Variants in SPATA6L observed in about 807,000 individuals in gnomAD.
SPATA6L encodes the protein spermatogenesis associated 6 like, also known as spermatogenesis associated 6-like protein.
In SPATA6L, 68 loss-of-function variants were observed where a neutral mutation model predicts 49.2. The ratio of observed to expected loss-of-function variants is 1.38; its 90% CI spans 1.14 to 1.69. SPATA6L has a LOEUF of 1.69. SPATA6L is among the 40% of genes most tolerant of loss of function. The probability of loss-of-function intolerance (pLI) is 0.00; values close to 1 mark genes in which losing one functional copy is unlikely to be tolerated. For synonymous variants in SPATA6L, 198 were observed against 165.7 expected (o/e 1.19, Z -1.50); for missense variants, 668 against 464.3 (o/e 1.44, Z -4.03).
Position 4,606,030 on chromosome 9 carries a change from G to C in SPATA6L, c.996-590C>G, listed in dbSNP as rs150243171. 9.9e-5 allele frequency among the ~76,000 whole-genome samples: 15 copies of C among 151,780 alleles called. No homozygotes were observed. In the South Asian group the frequency reaches 1.0e-3, roughly 11 times the overall value. Reference sequence around the variant, plus strand: ...CAAGGGGTCAGGCAGTTCCCTTTCCGAGTCAAAGAAAGGGGTGACAGATGG... The same window carrying C: ...CAAGGGGTCAGGCAGTTCCCTTTCCCAGTCAAAGAAAGGGGTGACAGATGG... On this transcript the variant is annotated intron_variant, in intron 9 of 11. Coordinates refer to ENST00000682582, the MANE Select transcript of SPATA6L (RefSeq NM_001353486.2).
chr9:4,614,690 C>T (rs1381196020), intron 9 of SPATA6L, among the ~76,000 whole-genome samples: 2 of 152,174 alleles, frequency 1.3e-5, no homozygotes, highest in Non-Finnish European at 2.9e-5. Context: ...AGGATGCAAA[C>T]TTTTGGTACT....
intron 1 of SPATA6L, chr9:4,664,380 C>A (rs904116778): frequency 6.0e-6 from 1 of 166,994 alleles, no homozygotes; most frequent in Non-Finnish European, 1.5e-5. Context: ...TTCTGAGGTA[C>A]AGCACATTTT....
downstream of SPATA6L, among the ~76,000 whole-genome samples, chr9:4,595,536 T>C (rs1308009738): frequency 6.6e-6 from 1 of 152,156 alleles, no homozygotes; most frequent in East Asian, 1.9e-4. Flanking sequence ...CGCCTGAATA[T>C]TTAGGACACT....
At chr9:4,611,866 T>G (rs73387219) in intron 9 of SPATA6L, among the ~76,000 whole-genome samples, 8,937 of 152,106 alleles carry the variant, frequency 0.059, 880 homozygotes, top group African/African-American at 0.2. Flanking sequence ...TAGTTGTTGT[T>G]TCACGGAGAG....
At position 4,605,362 on chromosome 9, in the gene SPATA6L, C is replaced by G. The variant is rs1349089506; in HGVS notation, c.1074G>C (p.Gln358His). ...AAAGTCTAACCTTGTTTTGGTGCAG[C>G]TGTGCTCTGTGGGATGTCAGAAGAC... is the stretch of plus-strand genomic sequence containing the variant. ...VCSLLTSHRA[Q>H]LHQNKEDSTS... Residue 358 changes from glutamine to histidine, a missense_variant, in exon 10 of 12, where the codon CAG becomes CAC. Physicochemically the swap from Gln to His is conservative, Grantham distance 24. Transcript: ENST00000682582. 1 of 1,613,676 alleles carries G rather than the reference C, an allele frequency of 6.2e-7. No homozygotes were observed. The highest frequency in any genetic ancestry group is 8.5e-7 in the Non-Finnish European group (1 of 1,179,750).
intron 9 of SPATA6L, among the ~76,000 whole-genome samples, chr9:4,610,648 C>A (rs200840142): frequency 6.9e-4 from 105 of 152,062 alleles, no homozygotes; most frequent in South Asian, 1.5e-3. Context: ...AAATCAATTC[C>A]AGATGGATTA....
chr9:4,646,617 C>A, intron 3 of SPATA6L: 2 of 584,996 alleles, frequency 3.4e-6, no homozygotes, highest in Non-Finnish European at 2.8e-6. Context: ...ATAAAACCCA[C>A]TTAATAGTAA....
Position 4,629,139 on chromosome 9 carries a change from T to C in SPATA6L, c.381A>G (p.Thr127=). The change falls in exon 5 of 12, where the codon ACA becomes ACG. Residue 127 remains threonine (T), a synonymous_variant. Transcript: ENST00000682582. The part of the protein sequence containing the change: ...PGIAPKIEFS[T]RTAIRECVFL... ...ACACACATTCTCTGATGGCTGTCCT[T>C]GTAGAAAACTCTATTTTGGGAGCAA... The C allele has an allele frequency of 1.2e-6, 2 of 1,611,462 alleles. No homozygotes were observed. Among genetic ancestry groups the C allele is most frequent in the East Asian group, 4.5e-5 (2 of 44,730 alleles).
intron 7 of SPATA6L, among the ~76,000 whole-genome samples, chr9:4,622,190 C>T (rs1829466253): frequency 6.6e-6 from 1 of 152,218 alleles, no homozygotes; most frequent in African/African-American, 2.4e-5. Context: ...CCGCTCAGAA[C>T]GGTCCCCTTC....
intron 9 of SPATA6L, among the ~76,000 whole-genome samples, chr9:4,615,942 T>C (rs1827885249): frequency 6.6e-6 from 1 of 152,136 alleles, no homozygotes; most frequent in Non-Finnish European, 1.5e-5. Flanking sequence ...TGCAGATGGA[T>C]CTTTGATCAT....
intron 3 of SPATA6L, among the ~76,000 whole-genome samples, chr9:4,648,635 G>C (rs1398240973): frequency 6.6e-6 from 1 of 151,708 alleles, no homozygotes; most frequent in African/African-American, 2.4e-5. Flanking sequence ...GGGAGGCAGA[G>C]CTTGCAGTGA....
chr9:4,623,600 C>T (rs1454869688), intron 6 of SPATA6L, among the ~76,000 whole-genome samples: 3 of 152,062 alleles, frequency 2.0e-5, no homozygotes, highest in Non-Finnish European at 4.4e-5. Context: ...GGAAACATCA[C>T]ATATCATCAG....
At chr9:4,644,681 TCTCTCA>T (rs1193263082) in intron 3 of SPATA6L, among the ~76,000 whole-genome samples, 95 of 132,246 alleles carry the variant, frequency 7.2e-4, no homozygotes, top group East Asian at 4.2e-3. Context: ...TCTCTCTCTC[TCTCTCA>T]CACACACACA....
At chr9:4,639,823 C>A (rs1238396519) in intron 3 of SPATA6L, among the ~76,000 whole-genome samples, 2 of 152,208 alleles carry the variant, frequency 1.3e-5, no homozygotes, top group Non-Finnish European at 2.9e-5. Context: ...ATTTTTAGAG[C>A]ATGTCAGAAT....
At position 4,618,107 on chromosome 9, in the gene SPATA6L, T is replaced by C. The variant is rs374809241; in HGVS notation, c.811A>G (p.Ile271Val). 30 of 1,603,930 alleles carry C rather than the reference T, an allele frequency of 1.9e-5. No individual in the cohort carries two copies. The African/African-American group carries it at 4.0e-4, about 21-fold the overall frequency. The stretch of plus-strand genomic sequence containing the variant: ...ACAATCCGTTCATCTGGCTCTTTGA[T>C]AACCTGAGTGACAATATGCATTATT... Reference protein sequence around the residue: ...LDSLAANVKVIKEPDERIVLR... With the variant: ...LDSLAANVKVVKEPDERIVLR... The change falls in exon 9 of 12, where the codon ATC becomes GTC. Residue 271 changes from isoleucine (I) to valine (V), a missense_variant. Ile to Val is a conservative substitution (Grantham distance 29). Transcript: ENST00000682582.
rs556773557 is a variant in SPATA6L at position 4,621,495 on chromosome 9, T to C, written c.772+913A>G. On this transcript the variant is annotated intron_variant, in intron 7 of 11. Transcript: ENST00000682582. ...GCTAATGGAATGTGTGCTATTCTTT[T>C]TTTTTTTTTTAAGTCAGAGTTTCAC... is the stretch of plus-strand genomic sequence containing the variant. 9.3e-3 allele frequency among the ~76,000 whole-genome samples: 1,415 copies of C among 152,208 alleles called. 14 individuals are homozygous for C. Among genetic ancestry groups the C allele is most frequent in the African/African-American group, 0.032 (1,338 of 41,558 alleles).
Position 4,599,948 on chromosome 9 carries a change from T to C in SPATA6L, c.*863A>G, listed in dbSNP as rs1006390751. On this transcript the variant is annotated 3_prime_UTR_variant, in exon 12 of 12. Coordinates refer to ENST00000682582, the MANE Select transcript of SPATA6L (RefSeq NM_001353486.2). ...CTGGGTCTGTATCAATGAAGACAAA[T>C]GTGCCTCTAGTCTCCCTTTATCCCA... Among the ~76,000 whole-genome samples, 10 of 152,168 alleles carry C rather than the reference T, an allele frequency of 6.6e-5. No homozygotes were observed. The highest frequency in any genetic ancestry group is 2.4e-4 in the African/African-American group (10 of 41,432).
intron 2 of SPATA6L, among the ~76,000 whole-genome samples, chr9:4,658,872 C>G (rs1276769192): frequency 6.7e-6 from 1 of 149,730 alleles, no homozygotes; most frequent in Non-Finnish European, 1.5e-5. Flanking sequence ...GATCCCTGAA[C>G]CTGGGAGGCA....
At chr9:4,651,399 G>A (rs1230720068) in intron 3 of SPATA6L, among the ~76,000 whole-genome samples, 2 of 152,184 alleles carry the variant, frequency 1.3e-5, no homozygotes, top group Non-Finnish European at 2.9e-5. Context: ...CCCAGGTCCA[G>A]ATGGCTTCAC....
Sources: allele counts gnomAD v4.1 joint callset (sites outside exome capture counted in the v4.1 genomes callset), GRCh38; gene constraint gnomAD v4.1.1; transcripts MANE v1.5; gene names NCBI Gene and HGNC (gene_info 2026-07-23, HGNC 2026-07-21).